ASAP1: variants seen among roughly 807,000 people sequenced by gnomAD.
The protein encoded by ASAP1 is ArfGAP with SH3 domain, ankyrin repeat and PH domain 1.
Under a neutral mutation model 145.2 loss-of-function variants are expected in ASAP1, and 43 were observed. The observed-to-expected ratio is 0.30, with a 90% CI of 0.23 to 0.38. ASAP1 has a LOEUF of 0.38. Among genes scored for constraint, ASAP1 ranks in the 10% least tolerant of loss-of-function variants. The pLI is 1.00. For synonymous variants in ASAP1, 546 were observed against 515.5 expected (o/e 1.06, Z -0.80); for missense variants, 1,018 against 1,355.3 (o/e 0.75, Z 3.91).
At chr8:130,426,156 C>T (rs1449041130) in intron 1 of ASAP1, among the ~76,000 whole-genome samples, 2 of 152,032 alleles carry the variant, frequency 1.3e-5, no homozygotes, top group East Asian at 1.9e-4. Context: ...TCATGATAAA[C>T]TCTCCCGAGA....
rs531899223 is a variant in ASAP1, at chr8:130,137,175, C to G, written c.1081-137G>C. 1.5e-3 allele frequency: 1,098 copies of G among 728,226 alleles called. 2 individuals are homozygous for G. Among genetic ancestry groups the G allele is most frequent in the Middle Eastern group, 2.9e-3 (10 of 3,464 alleles). The allele number at this position is 728,226 out of a possible 1,614,324, so 45.1% of individuals were successfully genotyped here. ...AAATACATTTTCAGCAAAGAAGAAA[C>G]AGACATCTGAGCATTGTTCCAAGTT... On this transcript the variant is annotated intron_variant, in intron 13 of 29. Coordinates refer to ENST00000518721, the MANE Select transcript of ASAP1 (RefSeq NM_018482.4).
intron 3 of ASAP1, among the ~76,000 whole-genome samples, chr8:130,326,687 G>T (rs6470811): frequency 0.48 from 72,573 of 152,008 alleles, 17,438 homozygotes; most frequent in African/African-American, 0.51. Context: ...AATGTTCAAG[G>T]GTTCTACACT....
chr8:130,149,028 T>G (rs1236208573), intron 13 of ASAP1, among the ~76,000 whole-genome samples: 3 of 145,882 alleles, frequency 2.1e-5, no homozygotes, highest in African/African-American at 5.3e-5. Flanking sequence ...TTTTTTTTTT[T>G]GTAGAGATAG....
chr8:130,210,725 C>T (rs757237983), intron 5 of ASAP1, among the ~76,000 whole-genome samples: 2 of 152,180 alleles, frequency 1.3e-5, no homozygotes, highest in Non-Finnish European at 2.9e-5. Context: ...TCTGTAGCCA[C>T]AGGGCTTGAG....
At chr8:130,132,627 C>T (rs1220243615) in intron 15 of ASAP1, among the ~76,000 whole-genome samples, 9 of 152,220 alleles carry the variant, frequency 5.9e-5, no homozygotes, top group Admixed American at 5.9e-4. Context: ...ACACTTAGCA[C>T]CTGCACCATG....
At chr8:130,153,357 A>ATATATATATATATATG (rs1337737853) in intron 12 of ASAP1, among the ~76,000 whole-genome samples, 1 of 39,872 alleles carries the variant, frequency 2.5e-5, no homozygotes, top group African/African-American at 8.0e-5. Context: ...ATATATATAT[A>ATATATATATATATATG]TGTATATATA....
intron 7 of ASAP1, among the ~76,000 whole-genome samples, chr8:130,184,430 AG>A (rs984493385): frequency 1.7e-4 from 26 of 152,228 alleles, no homozygotes; most frequent in African/African-American, 6.0e-4. Flanking sequence ...CAAGAGGGGC[AG>A]GCAGAAGGCC....
intron 13 of ASAP1, among the ~76,000 whole-genome samples, chr8:130,150,089 C>A (rs1457447251): frequency 6.6e-6 from 1 of 152,234 alleles, no homozygotes; most frequent in African/African-American, 2.4e-5. Flanking sequence ...CCACACATGG[C>A]ATGTTATCTC....
At position 130,434,899 on chromosome 8, in the gene ASAP1, G is replaced by A. The variant is rs147955815; in HGVS notation, c.-28+8561C>T. On this transcript the variant is annotated intron_variant, in intron 1 of 29. Coordinates refer to ENST00000518721, the MANE Select transcript of ASAP1 (RefSeq NM_018482.4). ...ACACCGAACAATAGCCCCTTAGCTCGAACAAGCTTTGAAGACCTGAAATGC... is the reference window on the plus strand; with the variant it reads ...ACACCGAACAATAGCCCCTTAGCTCAAACAAGCTTTGAAGACCTGAAATGC... 2.8e-3 allele frequency among the ~76,000 whole-genome samples: 430 copies of A among 152,176 alleles called. 1 individual carries two copies. The highest frequency in any genetic ancestry group is 9.5e-3 in the African/African-American group (394 of 41,516).
At chr8:130,335,520 A>C (rs1824977252) in intron 3 of ASAP1, among the ~76,000 whole-genome samples, 1 of 152,234 alleles carries the variant, frequency 6.6e-6, no homozygotes, top group South Asian at 2.1e-4. Flanking sequence ...AAATTGTCCT[A>C]TTATTCATGC....
At chr8:130,432,795 T>C (rs1382365333) in intron 1 of ASAP1, among the ~76,000 whole-genome samples, 4 of 152,196 alleles carry the variant, frequency 2.6e-5, no homozygotes, top group East Asian at 1.9e-4. Context: ...TGCCAGGCAA[T>C]TTCCCTTCAT....
In ASAP1 at chr8:130,060,802, G is replaced by A; in HGVS notation, c.2969C>T (p.Pro990Leu). 1.2e-6 allele frequency: 2 copies of A among 1,614,052 alleles called. No homozygotes were observed. Among genetic ancestry groups the A allele is most frequent in the Non-Finnish European group, 1.7e-6 (2 of 1,180,006 alleles). The change falls in exon 28 of 30, where the codon CCC becomes CTC. Residue 990 changes from proline to leucine, a missense_variant. Pro to Leu is a moderately conservative substitution (Grantham distance 98). Transcript: ENST00000518721. ...CAGGTCTCCCAGCTGTGGTTTGGGG[G>A]GCAGGTCCTTCATCTGTGGTTTGGG... is the stretch of plus-strand genomic sequence containing the variant. ...LPPKPQMKDL[P>L]PKPQLGDLLA...
intron 5 of ASAP1, among the ~76,000 whole-genome samples, chr8:130,191,159 C>T (rs891479543): frequency 1.3e-5 from 2 of 151,682 alleles, no homozygotes; most frequent in African/African-American, 2.4e-5. Context: ...GGAGATGCTA[C>T]CCAGCTGCAG....
chr8:130,159,882 A>G lies in ASAP1; in HGVS notation c.992T>C (p.Leu331Pro). Residue 331 changes from leucine (L) to proline (P), a missense_variant, in exon 12 of 30, where the codon CTG (leucine) becomes CCG (proline). Coordinates refer to ENST00000518721, the MANE Select transcript of ASAP1 (RefSeq NM_018482.4). ...KEYGSEKKGY[L>P]LKKSDGIRKV... ...TACATACCCGTCACTTTTCTTTAGCAGGTACCCCTTCTTTTCACTGCCATA... is the reference window on the plus strand; with the variant it reads ...TACATACCCGTCACTTTTCTTTAGCGGGTACCCCTTCTTTTCACTGCCATA... 1 of 1,613,912 alleles carries G rather than the reference A, an allele frequency of 6.2e-7. No homozygotes were observed.
intron 1 of ASAP1, among the ~76,000 whole-genome samples, chr8:130,428,650 AT>A (rs1830030809): frequency 6.8e-6 from 1 of 147,220 alleles, no homozygotes; most frequent in Admixed American, 6.7e-5. Context: ...CATCACCACC[AT>A]CATCACCATC....
At chr8:130,086,646 A>T (rs562903796) in intron 25 of ASAP1, among the ~76,000 whole-genome samples, 1 of 152,294 alleles carries the variant, frequency 6.6e-6, no homozygotes, top group East Asian at 1.9e-4. Flanking sequence ...TCCACAAAAA[A>T]TACAAAAATT....
rs757471787 is a variant in ASAP1, at chr8:130,325,012, C to CCAAG, written c.186+33004_186+33005insCTTG. On this transcript the variant is annotated intron_variant, in intron 3 of 29. Transcript: ENST00000518721. ...GAACACTGGCTGCTCACCGGCAGCCCTGCTTGCAGGCCCTTCCAGAGGTGG... is the reference window on the plus strand; with the variant it reads ...GAACACTGGCTGCTCACCGGCAGCCCCAAGTGCTTGCAGGCCCTTCCAGAGGTGG... Among the ~76,000 whole-genome samples the CCAAG allele has an allele frequency of 5.9e-5, 9 of 152,310 alleles. No homozygotes were observed. The East Asian group carries it at 1.7e-3, about 29-fold the overall frequency.
At chr8:130,080,387 G>A (rs1441736999) in intron 25 of ASAP1, among the ~76,000 whole-genome samples, 1 of 152,020 alleles carries the variant, frequency 6.6e-6, no homozygotes, top group Non-Finnish European at 1.5e-5. Flanking sequence ...AGTGGAATGT[G>A]CATGTGAACA....
Position 130,099,210 on chromosome 8 carries a change from G to A in ASAP1, c.2402-7067C>T, listed in dbSNP as rs574143207. On this transcript the variant is annotated intron_variant, in intron 24 of 29. Transcript: ENST00000518721. Reference sequence around the variant, plus strand: ...TTTTTTTTTTGGTGGACTGAGTCTCGCTCTGTTGCCCAGGCTGGAGTGCAG... The same window carrying A: ...TTTTTTTTTTGGTGGACTGAGTCTCACTCTGTTGCCCAGGCTGGAGTGCAG... Among the ~76,000 whole-genome samples, 228 of 149,506 alleles carry A rather than the reference G, an allele frequency of 1.5e-3. 2 individuals are homozygous for A. Among genetic ancestry groups the A allele is most frequent in the Non-Finnish European group, 1.1e-3 (73 of 67,404 alleles).
Sources: allele counts gnomAD v4.1 joint callset (sites outside exome capture counted in the v4.1 genomes callset), GRCh38; gene constraint gnomAD v4.1.1; transcripts MANE v1.5; gene names NCBI Gene and HGNC (gene_info 2026-07-23, HGNC 2026-07-21).